The following ABCC5 variants were observed in gnomAD, a reference collection of about 807,000 sequenced individuals.
ABCC5 encodes ATP-binding cassette sub-family C member 5.
In ABCC5, 61 loss-of-function variants were observed where a neutral mutation model predicts 160.9. The observed-to-expected ratio is 0.38, with a 90% confidence interval of 0.31 to 0.47. ABCC5 has a LOEUF of 0.47. Ranked by LOEUF, ABCC5 falls within the 20% of genes least tolerant of loss-of-function variation. The pLI, the probability that ABCC5 is intolerant of heterozygous loss-of-function variation, is 0.99. For synonymous variants in ABCC5, 666 were observed against 700.6 expected (o/e 0.95, Z 0.78); for missense variants, 1,308 against 1,813.3 (o/e 0.72, Z 5.06).
chr3:183,965,338 C>T (rs1177092376), intron 13 of ABCC5, 39 bp downstream of exon 13: 1 of 1,614,018 alleles, frequency 6.2e-7, no homozygotes, highest in Non-Finnish European at 8.5e-7. Flanking sequence ...TCTCACGCGG[C>T]CAAGATGGAA....
At chr3:184,007,405 G>A (rs1721315646) in intron 2 of ABCC5, among the ~76,000 whole-genome samples, 1 of 152,050 alleles carries the variant, frequency 6.6e-6, no homozygotes, top group Admixed American at 6.6e-5. Context: ...TTGCCTGAGA[G>A]CACTAAGAAA....
chr3:184,017,323 G>C lies in ABCC5; in HGVS notation c.-56+507C>G, dbSNP rs528874660. 6.6e-6 allele frequency: 1 copy of C among 152,356 alleles called. No individual in the cohort carries two copies. Among genetic ancestry groups the C allele is most frequent in the East Asian group, 1.9e-4 (1 of 5,170 alleles). The allele number at this position is 152,356 out of a possible 1,614,324, so 9.4% of individuals were successfully genotyped here. Reference sequence around the variant, plus strand: ...TTATGTCACGTACCTCCATTTACCCGCTTGCAAAAACGAAGGGGATGACTT... The same window carrying C: ...TTATGTCACGTACCTCCATTTACCCCCTTGCAAAAACGAAGGGGATGACTT... On this transcript the variant is annotated intron_variant, in intron 1 of 29. Transcript: ENST00000334444. The surrounding 1 kb of genome is among the most constrained non-coding windows in gnomAD (Gnocchi z 4.5).
At chr3:183,989,987 T>G (rs1024587868) in intron 2 of ABCC5, among the ~76,000 whole-genome samples, 1 of 152,126 alleles carries the variant, frequency 6.6e-6, no homozygotes, top group African/African-American at 2.4e-5. Flanking sequence ...GTATTTTTAG[T>G]AGAGGTGGGG....
chr3:183,962,192 C>A (rs1716812625), intron 15 of ABCC5, among the ~76,000 whole-genome samples: 1 of 152,158 alleles, frequency 6.6e-6, no homozygotes, highest in African/African-American at 2.4e-5. Context: ...TGCTCAGAAC[C>A]CTTACATTAG....
In ABCC5 at chr3:184,014,333, C is replaced by T; in HGVS notation, c.60G>A (p.Val20=). The T allele has an allele frequency of 6.2e-7, 1 of 1,614,036 alleles. No individual in the cohort carries two copies. The highest frequency in any genetic ancestry group is 8.5e-7 in the Non-Finnish European group (1 of 1,179,940). ...TCCCAGAAGTGCTGGTTCTCTCCCT[C>T]ACACTTCTATACCCAGGACTGGGGA... ...YIIPSPGYRS[V]RERTSTSGTH... Residue 20 remains valine, a synonymous_variant, in exon 2 of 30, where the codon GTG becomes GTA. Coordinates refer to ENST00000334444, the MANE Select transcript of ABCC5 (RefSeq NM_005688.4).
chr3:183,945,148 GT>G (rs1310840046), intron 24 of ABCC5, among the ~76,000 whole-genome samples: 1 of 152,198 alleles, frequency 6.6e-6, no homozygotes, highest in African/African-American at 2.4e-5. Flanking sequence ...GGAACTGTGA[GT>G]GACTTAAACC....
chr3:183,944,477 G>C (rs1286033940), intron 24 of ABCC5, among the ~76,000 whole-genome samples: 1 of 148,718 alleles, frequency 6.7e-6, no homozygotes, highest in African/African-American at 2.5e-5. Flanking sequence ...TCAAAGTCAA[G>C]TGTTGGGAAC....
intron 2 of ABCC5, among the ~76,000 whole-genome samples, chr3:183,990,632 A>C (rs991514322): frequency 2.0e-5 from 3 of 152,232 alleles, no homozygotes; most frequent in Admixed American, 1.3e-4. Context: ...AGCAGCAGGG[A>C]GAACAGAACG....
In ABCC5 at chr3:183,938,588, C is replaced by T. The variant is rs561650336; in HGVS notation, c.3695-528G>A. Reference sequence around the variant, plus strand: ...CTGGGATTACAGGCGTGAGCCACCGCGCCTGGCTGACCATTCCATTTTCAT... The same window carrying T: ...CTGGGATTACAGGCGTGAGCCACCGTGCCTGGCTGACCATTCCATTTTCAT... On this transcript the variant is annotated intron_variant, in intron 25 of 29. Transcript: ENST00000334444. Among the ~76,000 whole-genome samples, 37 of 152,168 alleles carry T rather than the reference C, an allele frequency of 2.4e-4. No individual in the cohort carries two copies. The South Asian group carries it at 7.1e-3, about 29-fold the overall frequency.
intron 2 of ABCC5, among the ~76,000 whole-genome samples, chr3:183,999,102 GA>G (rs10576500): frequency 3.3e-4 from 47 of 144,470 alleles, no homozygotes; most frequent in African/African-American, 6.6e-4. Flanking sequence ...AAAAAAAAAA[GA>G]AAAAAAAAAA....
rs966517072 is a variant in ABCC5 at position 183,982,265 on chromosome 3, C to A, written c.999+186G>T. Among the ~76,000 whole-genome samples the A allele has an allele frequency of 1.3e-5, 2 of 152,176 alleles. No homozygotes were observed. The highest frequency in any genetic ancestry group is 4.8e-5 in the African/African-American group (2 of 41,438). On this transcript the variant is annotated intron_variant, in intron 7 of 29. Coordinates refer to ENST00000334444, the MANE Select transcript of ABCC5 (RefSeq NM_005688.4). This position sits in a 1 kb window ranked among gnomAD's most constrained non-coding sequence, Gnocchi z 5.2. ...CAGACTCTCTTTCATGCAAGTGACA[C>A]CTTACCTCCTCTCAAGTCAAAATTC...
Position 183,921,022 on chromosome 3 carries a change from A to C in ABCC5, c.*278T>G, listed in dbSNP as rs780984960. On this transcript the variant is annotated 3_prime_UTR_variant, in exon 30 of 30. Transcript: ENST00000334444. The surrounding 1 kb of genome is among the most constrained non-coding windows in gnomAD (Gnocchi z 4.1). Reference sequence around the variant, plus strand: ...GATATAGCTACACGTATAAAGCTTCATTATAGGCCTCTGATACAATTATAA... The same window carrying C: ...GATATAGCTACACGTATAAAGCTTCCTTATAGGCCTCTGATACAATTATAA... The C allele has an allele frequency of 4.8e-5, 14 of 292,536 alleles. No homozygotes were observed. The highest frequency in any genetic ancestry group is 4.6e-4 in the Admixed American group (9 of 19,714). The allele number at this position is 292,536 out of a possible 1,614,324, so 18.1% of individuals were successfully genotyped here.
chr3:183,965,307 G>A (rs1042938704), intron 13 of ABCC5, 50 bp from the exon 14 acceptor site: 2 of 1,613,890 alleles, frequency 1.2e-6, no homozygotes, highest in Non-Finnish European at 1.7e-6. Context: ...AGCAGAGCCT[G>A]CTGACTAGGG....
chr3:183,928,180 T>C (rs1712792532), intron 27 of ABCC5, among the ~76,000 whole-genome samples: 5 of 151,488 alleles, frequency 3.3e-5, no homozygotes, highest in Admixed American at 3.3e-4. Flanking sequence ...TGGTGCGCTC[T>C]CGCTCACTGC....
At chr3:184,007,286 C>T (rs1246611492) in intron 2 of ABCC5, among the ~76,000 whole-genome samples, 1 of 151,758 alleles carries the variant, frequency 6.6e-6, no homozygotes, top group Non-Finnish European at 1.5e-5. Context: ...TCCCAAAGTG[C>T]TGAGATTACA....
intron 25 of ABCC5, among the ~76,000 whole-genome samples, chr3:183,941,972 CA>C (rs202190698): frequency 5.1e-4 from 71 of 138,236 alleles, no homozygotes; most frequent in Admixed American, 6.5e-4. Context: ...GACTTTGTCT[CA>C]AAAAAAAAAA....
chr3:183,925,765 G>C, intron 28 of ABCC5, 46 bp from the exon 29 acceptor site: 2 of 1,580,610 alleles, frequency 1.3e-6, no homozygotes, highest in Non-Finnish European at 1.7e-6. Flanking sequence ...AATTCCTTTA[G>C]CATTCTGGTT....
Position 183,988,555 on chromosome 3 carries a change from G to A in ABCC5, c.443+17C>T, listed in dbSNP as rs1401698804. ...CACCCGGCATGGGGGAGATGAGGGT[G>A]GACCAGAGGCGCCTACCTTCTGCAG... On this transcript the variant is annotated intron_variant, in intron 4 of 29. Coordinates refer to ENST00000334444, the MANE Select transcript of ABCC5 (RefSeq NM_005688.4). This position sits in a 1 kb window ranked among gnomAD's most constrained non-coding sequence, Gnocchi z 4.4. 5 of 1,606,020 alleles carry A rather than the reference G, an allele frequency of 3.1e-6. No homozygotes were observed. The highest frequency in any genetic ancestry group is 4.2e-6 in the Non-Finnish European group (5 of 1,176,924).
chr3:183,989,639 G>A (rs1049416163), intron 2 of ABCC5, among the ~76,000 whole-genome samples: 5 of 149,198 alleles, frequency 3.4e-5, no homozygotes, highest in African/African-American at 1.2e-4. Flanking sequence ...AAACTAATCA[G>A]ATAGTACAGA....
Sources: allele counts gnomAD v4.1 joint callset (sites outside exome capture counted in the v4.1 genomes callset), GRCh38; gene constraint gnomAD v4.1.1; non-coding constraint Gnocchi (gnomAD v3.1); transcripts MANE v1.5; gene names NCBI Gene and HGNC (gene_info 2026-07-23, HGNC 2026-07-21).